Variants in RPTOR observed in about 807,000 individuals in gnomAD.
The protein encoded by RPTOR is regulatory-associated protein of mTOR.
A neutral mutation model predicts 169.9 loss-of-function variants in RPTOR; 21 were observed. That is an observed-to-expected ratio of 0.12 (90% CI 0.09 to 0.18). The LOEUF (loss-of-function observed/expected upper bound fraction) is 0.18, where lower values mean the gene tolerates loss of function less well. RPTOR is among the 10% of genes least tolerant of loss of function. RPTOR has a pLI of 1.00. For missense variants in RPTOR, 1,133 were observed against 1,855.9 expected (o/e 0.61, Z 7.16); for synonymous variants, 732 against 753.2 (o/e 0.97, Z 0.46).
At chr17:80,745,285 A>C (rs1399677500) in intron 5 of RPTOR, among the ~76,000 whole-genome samples, 3 of 152,130 alleles carry the variant, frequency 2.0e-5, no homozygotes, top group Non-Finnish European at 2.9e-5. Context: ...TGAATGCTTC[A>C]TTTGGGGGAA....
At chr17:80,569,262 C>T (rs1051547965) in intron 1 of RPTOR, among the ~76,000 whole-genome samples, 5 of 152,060 alleles carry the variant, frequency 3.3e-5, no homozygotes, top group East Asian at 1.9e-4. Context: ...TGAGCATCTG[C>T]GTTTTGTTTT....
chr17:80,812,489 C>T (rs1177162382), intron 7 of RPTOR, among the ~76,000 whole-genome samples: 1 of 152,036 alleles, frequency 6.6e-6, no homozygotes, highest in Non-Finnish European at 1.5e-5. Flanking sequence ...GAGGAGTTTC[C>T]CCAGATCTGC....
chr17:80,848,365 T>C (rs1461128555), intron 11 of RPTOR, among the ~76,000 whole-genome samples: 3 of 152,268 alleles, frequency 2.0e-5, no homozygotes, highest in Non-Finnish European at 1.5e-5. Context: ...TTTTGGACAT[T>C]GCAAAAAGAA....
rs1567888589 is a variant in RPTOR, at chr17:80,744,385, TTACGAGCACTGTCCTGGC to T, written c.655-9621_655-9604del. On this transcript the variant is annotated intron_variant, in intron 5 of 33. Coordinates refer to ENST00000306801, the MANE Select transcript of RPTOR (RefSeq NM_020761.3). ...GTCCTGGTTACGAGCACAGCCCTGG[TTACGAGCACTGTCCTGGC>T]TACTAGCACAGCCCTGGCTACTAGC... is the stretch of plus-strand genomic sequence containing the variant. Among the ~76,000 whole-genome samples the T allele has an allele frequency of 6.4e-3, 16 of 2,518 alleles. 1 individual carries two copies. The highest frequency in any genetic ancestry group is 0.036 in the South Asian group (3 of 84). 1.7% of individuals were successfully genotyped at this position (2,518 alleles called of 152,430 possible).
intron 24 of RPTOR, among the ~76,000 whole-genome samples, chr17:80,925,936 G>C (rs556439283): frequency 1.3e-5 from 2 of 152,270 alleles, no homozygotes; most frequent in African/African-American, 2.4e-5. Flanking sequence ...TGTGGACGCA[G>C]TGGCTGTGTT....
chr17:80,865,426 G>A (rs8070964), intron 13 of RPTOR, among the ~76,000 whole-genome samples: 2,486 of 152,268 alleles, frequency 0.016, 57 homozygotes, highest in African/African-American at 0.053. Flanking sequence ...ATAAAGACAC[G>A]AGTAGATTGA....
rs149443983 is a variant in RPTOR at position 80,744,099 on chromosome 17, A to G, written c.655-9911A>G. 3.3e-3 allele frequency among the ~76,000 whole-genome samples: 198 copies of G among 60,034 alleles called. 30 individuals are homozygous for G. Among genetic ancestry groups the G allele is most frequent in the Middle Eastern group, 8.6e-3 (1 of 116 alleles). The allele number at this position is 60,034 out of a possible 152,430, so 39.4% of individuals were successfully genotyped here. A position where few individuals can be genotyped will look rare whatever the true frequency, so the allele number is the denominator to read the frequency against. ...CCTGGTTACGAGCACAGCCCTGGTT[A>G]CTAGCACAGCCCTGGTTACTAGCAC... On this transcript the variant is annotated intron_variant, in intron 5 of 33. Coordinates refer to ENST00000306801, the MANE Select transcript of RPTOR (RefSeq NM_020761.3).
intron 4 of RPTOR, among the ~76,000 whole-genome samples, chr17:80,725,345 T>A (rs960091626): frequency 6.6e-6 from 1 of 152,254 alleles, no homozygotes; most frequent in Admixed American, 6.5e-5. Context: ...CTAAAACCCA[T>A]TTCTATTTCT....
At chr17:80,826,873 C>T (rs1175140387) in intron 9 of RPTOR, among the ~76,000 whole-genome samples, 1 of 152,282 alleles carries the variant, frequency 6.6e-6, no homozygotes, top group Admixed American at 6.5e-5. Context: ...TGGGGTTTCA[C>T]CTTCAACCGG....
At chr17:80,657,120 A>T (rs2065686204) in intron 3 of RPTOR, among the ~76,000 whole-genome samples, 1 of 152,194 alleles carries the variant, frequency 6.6e-6, no homozygotes, top group African/African-American at 2.4e-5. Flanking sequence ...CATTCAGCTG[A>T]TAGAAATTCT....
At chr17:80,713,063 T>TTTTTTG (rs1025355597) in intron 4 of RPTOR, among the ~76,000 whole-genome samples, 3 of 152,140 alleles carry the variant, frequency 2.0e-5, no homozygotes, top group East Asian at 1.9e-4. Context: ...CAGATGCCAG[T>TTTTTTG]TTTTTGTTTT....
chr17:80,823,352 A>ACTT lies in RPTOR; in HGVS notation c.1136+129_1136+130insCTT. On this transcript the variant is annotated intron_variant, in intron 9 of 33. Coordinates refer to ENST00000306801, the MANE Select transcript of RPTOR (RefSeq NM_020761.3). This position sits in a 1 kb window ranked among gnomAD's most constrained non-coding sequence, Gnocchi z 4.5. ...TTGGGGACCCCGTGTAGCATTAACAAGTGAAGCTAAATGCAGGGCTCCCAG... is the reference window on the plus strand; with the variant it reads ...TTGGGGACCCCGTGTAGCATTAACAACTTGTGAAGCTAAATGCAGGGCTCCCAG... 8.4e-7 allele frequency: 1 copy of ACTT among 1,194,802 alleles called. No homozygotes were observed. Among genetic ancestry groups the ACTT allele is most frequent in the Non-Finnish European group, 1.2e-6 (1 of 859,412 alleles). 74.0% of individuals were successfully genotyped at this position (1,194,802 alleles called of 1,614,324 possible). A position where few individuals can be genotyped will look rare whatever the true frequency, so the allele number is the denominator to read the frequency against.
chr17:80,583,482 C>T (rs1039952035), intron 1 of RPTOR, among the ~76,000 whole-genome samples: 21 of 152,304 alleles, frequency 1.4e-4, no homozygotes, highest in East Asian at 3.9e-4. Context: ...TGAGCCACTG[C>T]GCCCAGCTGT....
chr17:80,837,057 G>A (rs150778911), intron 9 of RPTOR, among the ~76,000 whole-genome samples: 461 of 152,274 alleles, frequency 3.0e-3, no homozygotes, highest in Non-Finnish European at 5.0e-3. Flanking sequence ...GGACGGGGTC[G>A]GGAGCCCGGG....
chr17:80,584,726 C>G (rs556416402), intron 1 of RPTOR, among the ~76,000 whole-genome samples: 22 of 152,200 alleles, frequency 1.4e-4, no homozygotes, highest in African/African-American at 5.3e-4. Context: ...GGAACGTGGA[C>G]GCCATCATGT....
At chr17:80,896,381 G>T (rs1158644730) in intron 20 of RPTOR, among the ~76,000 whole-genome samples, 1 of 135,322 alleles carries the variant, frequency 7.4e-6, no homozygotes, top group East Asian at 2.2e-4. Flanking sequence ...CACCCCACGC[G>T]GCCTCGCTGA....
At chr17:80,588,224 G>A (rs1158825147) in intron 1 of RPTOR, among the ~76,000 whole-genome samples, 1 of 149,228 alleles carries the variant, frequency 6.7e-6, no homozygotes, top group African/African-American at 2.5e-5. Context: ...GTGCAGTGGT[G>A]TAATCTCGGC....
intron 13 of RPTOR, among the ~76,000 whole-genome samples, chr17:80,880,003 C>T (rs1280763923): frequency 6.6e-6 from 1 of 152,196 alleles, no homozygotes; most frequent in Non-Finnish European, 1.5e-5. Flanking sequence ...AGCAAACCCC[C>T]AAGAAAAGCT....
rs1481960821 is a variant in RPTOR, at chr17:80,965,847, C to G, written c.*1517C>G. 4.3e-6 allele frequency: 1 copy of G among 233,320 alleles called. No homozygotes were observed. Among genetic ancestry groups the G allele is most frequent in the Non-Finnish European group, 8.5e-6 (1 of 118,166 alleles). The allele number at this position is 233,320 out of a possible 1,614,324, so 14.5% of individuals were successfully genotyped here. A position where few individuals can be genotyped will look rare whatever the true frequency, so the allele number is the denominator to read the frequency against. On this transcript the variant is annotated 3_prime_UTR_variant, in exon 34 of 34. Transcript: ENST00000306801. ...GCTGCTCCTTTTTGGAATGCGAGCTCCCACCAGAAGAAGGTTCCGGCACGA... is the reference window on the plus strand; with the variant it reads ...GCTGCTCCTTTTTGGAATGCGAGCTGCCACCAGAAGAAGGTTCCGGCACGA...
Sources: allele counts gnomAD v4.1 joint callset (sites outside exome capture counted in the v4.1 genomes callset), GRCh38; gene constraint gnomAD v4.1.1; non-coding constraint Gnocchi (gnomAD v3.1); transcripts MANE v1.5; gene names NCBI Gene and HGNC (gene_info 2026-07-23, HGNC 2026-07-21).